CTNNA2: variants seen among roughly 807,000 people sequenced by gnomAD.
CTNNA2 encodes the protein catenin alpha 2.
In CTNNA2, 42 loss-of-function variants were observed where a neutral mutation model predicts 101.0. The observed-to-expected ratio is 0.42, with a 90% CI of 0.32 to 0.54. CTNNA2 has a LOEUF of 0.54. Ranked by LOEUF, CTNNA2 falls within the 20% of genes least tolerant of loss-of-function variation. The pLI is 0.14. For missense variants in CTNNA2, 871 were observed against 1,223.1 expected (o/e 0.71, Z 4.29); for synonymous variants, 450 against 456.4 (o/e 0.99, Z 0.18).
At chr2:80,244,382 G>A (rs1225232091) in intron 7 of CTNNA2, among the ~76,000 whole-genome samples, 5 of 152,192 alleles carry the variant, frequency 3.3e-5, no homozygotes, top group Non-Finnish European at 5.9e-5. Flanking sequence ...AATGCCTAGA[G>A]CAGAATTCCC....
chr2:80,419,129 A>G (rs1161207590), intron 8 of CTNNA2, among the ~76,000 whole-genome samples: 1 of 152,166 alleles, frequency 6.6e-6, no homozygotes, highest in African/African-American at 2.4e-5. Context: ...GAATTCTTCA[A>G]CTGTGTCATG....
At chr2:79,713,832 CATTA>C (rs1367464783) in intron 2 of CTNNA2, among the ~76,000 whole-genome samples, 1 of 152,152 alleles carries the variant, frequency 6.6e-6, no homozygotes, top group Non-Finnish European at 1.5e-5. Flanking sequence ...TAGAAAAGTA[CATTA>C]ATTATTACTT....
intron 14 of CTNNA2, among the ~76,000 whole-genome samples, chr2:80,587,253 G>C (rs986604425): frequency 6.6e-6 from 1 of 152,040 alleles, no homozygotes; most frequent in African/African-American, 2.4e-5. Flanking sequence ...CCTCAGCACA[G>C]TACCCAGTAC....
At chr2:79,494,617 A>G (rs1671236639) in intron 4 of CTNNA2, among the ~76,000 whole-genome samples, 1 of 152,176 alleles carries the variant, frequency 6.6e-6, no homozygotes, top group African/African-American at 2.4e-5. Context: ...CAAAGAAAGA[A>G]TTTGTACTCT....
At position 79,295,133 on chromosome 2, in the gene CTNNA2, T is replaced by C. The variant is rs374584176; in HGVS notation, c.-405-17576T>C. On this transcript the variant is annotated intron_variant, in intron 2 of 21. Coordinates refer to the CTNNA2 transcript ENST00000466387. ...TTTTGACTATTCTCAGTTTACTTTG[T>C]TTCACATTCTGTGACATTCCATCAG... Among the ~76,000 whole-genome samples, 3 of 152,272 alleles carry C rather than the reference T, an allele frequency of 2.0e-5. No individual in the cohort carries two copies. In the East Asian group the frequency reaches 5.8e-4, roughly 29 times the overall value.
At chr2:80,474,869 C>G (rs924107852) in intron 9 of CTNNA2, among the ~76,000 whole-genome samples, 2 of 152,194 alleles carry the variant, frequency 1.3e-5, no homozygotes, top group Admixed American at 1.3e-4. Flanking sequence ...TTGTAGCATT[C>G]TTCCCTGGGG....
At chr2:79,982,415 T>TATAACATATATAAC (rs1380083053) in intron 7 of CTNNA2, among the ~76,000 whole-genome samples, 1 of 145,396 alleles carries the variant, frequency 6.9e-6, no homozygotes, top group African/African-American at 2.5e-5. Flanking sequence ...ATATAACACA[T>TATAACATATATAAC]ATATAACACA....
rs546376991 is a variant in CTNNA2 at position 80,219,579 on chromosome 2, C to T, written c.1057-173632C>T. Among the ~76,000 whole-genome samples the T allele has an allele frequency of 1.8e-4, 27 of 152,202 alleles. No individual in the cohort carries two copies. In the South Asian group the frequency reaches 3.5e-3, roughly 20 times the overall value. On this transcript the variant is annotated intron_variant, in intron 7 of 18. Transcript: ENST00000402739. ...GTCTGTGTCCAGACTACTCACCAATCGACCCATTCACCTATCTTCTCTGTA... is the reference window on the plus strand; with the variant it reads ...GTCTGTGTCCAGACTACTCACCAATTGACCCATTCACCTATCTTCTCTGTA...
intron 12 of CTNNA2, among the ~76,000 whole-genome samples, chr2:80,565,188 T>TA (rs926525916): frequency 6.6e-6 from 1 of 152,134 alleles, no homozygotes; most frequent in Non-Finnish European, 1.5e-5. Context: ...TTCTGGAAGT[T>TA]ACTACTTTGT....
intron 2 of CTNNA2, among the ~76,000 whole-genome samples, chr2:79,681,002 C>A (rs1429822901): frequency 6.6e-6 from 1 of 151,960 alleles, no homozygotes; most frequent in African/African-American, 2.4e-5. Context: ...AAAGAAAAAG[C>A]AAAATTACTT....
intron 4 of CTNNA2, among the ~76,000 whole-genome samples, chr2:79,385,105 T>C (rs922714180): frequency 2.0e-5 from 3 of 152,200 alleles, no homozygotes; most frequent in African/African-American, 7.2e-5. Context: ...TTTCTGAAAC[T>C]GGTGACCTGC....
At chr2:79,980,471 C>T (rs1691185124) in intron 7 of CTNNA2, among the ~76,000 whole-genome samples, 1 of 152,054 alleles carries the variant, frequency 6.6e-6, no homozygotes. Flanking sequence ...AAATTAGGCT[C>T]TTAGTGATGC....
chr2:80,334,550 A>T (rs1671612806), intron 7 of CTNNA2, among the ~76,000 whole-genome samples: 1 of 152,224 alleles, frequency 6.6e-6, no homozygotes, highest in African/African-American at 2.4e-5. Context: ...GGACAGTCCC[A>T]GGCAAACCAA....
At chr2:80,358,644 T>G (rs1220025999) in intron 7 of CTNNA2, among the ~76,000 whole-genome samples, 1 of 152,182 alleles carries the variant, frequency 6.6e-6, no homozygotes, top group Non-Finnish European at 1.5e-5. Context: ...TGAGCCACTG[T>G]GCCCAGCCAC....
chr2:79,321,434 A>G (rs567617169), intron 3 of CTNNA2, among the ~76,000 whole-genome samples: 250 of 152,304 alleles, frequency 1.6e-3, no homozygotes, highest in African/African-American at 5.8e-3. Context: ...TATTGGTTCT[A>G]TAGCAGCTGA....
chr2:80,046,950 G>A (rs1319368200), intron 7 of CTNNA2, among the ~76,000 whole-genome samples: 1 of 152,164 alleles, frequency 6.6e-6, no homozygotes, highest in Non-Finnish European at 1.5e-5. Context: ...TTTGTGGAAT[G>A]TTATCCTATG....
intron 7 of CTNNA2, among the ~76,000 whole-genome samples, chr2:79,914,034 G>A (rs1686002726): frequency 6.6e-6 from 1 of 150,696 alleles, no homozygotes; most frequent in African/African-American, 2.4e-5. Flanking sequence ...GGGCGTAGTG[G>A]CGGGCGCCTG....
At chr2:79,244,828 C>T (rs1021714959) in intron 2 of CTNNA2, among the ~76,000 whole-genome samples, 3 of 152,204 alleles carry the variant, frequency 2.0e-5, no homozygotes, top group Non-Finnish European at 2.9e-5. Context: ...TGCACAGTGG[C>T]TCACACCTGT....
intron 7 of CTNNA2, among the ~76,000 whole-genome samples, chr2:80,087,278 T>C (rs900663706): frequency 6.6e-6 from 1 of 151,944 alleles, no homozygotes; most frequent in East Asian, 1.9e-4. Flanking sequence ...CTAAGTGATA[T>C]AGGAATACAC....
Sources: allele counts gnomAD v4.1 joint callset (sites outside exome capture counted in the v4.1 genomes callset), GRCh38; gene constraint gnomAD v4.1.1; transcripts MANE v1.5; gene names NCBI Gene and HGNC (gene_info 2026-07-23, HGNC 2026-07-21).